TACR3: variants seen among roughly 807,000 people sequenced by gnomAD.
TACR3 encodes neuromedin-K receptor.
Under a neutral mutation model 35.0 loss-of-function variants are expected in TACR3, and 34 were observed. The observed-to-expected ratio is 0.97, with a 90% CI of 0.74 to 1.30. TACR3 has a LOEUF of 1.30. TACR3 is among the 50% of genes most tolerant of loss of function. TACR3 has a pLI of 0.00. For missense variants in TACR3, 558 were observed against 591.7 expected (o/e 0.94, Z 0.59); for synonymous variants, 233 against 221.1 (o/e 1.05, Z -0.48).
intron 3 of TACR3, among the ~76,000 whole-genome samples, chr4:103,596,059 G>T (rs1402066102): frequency 2.0e-5 from 3 of 150,950 alleles, no homozygotes; most frequent in African/African-American, 7.3e-5. Context: ...TTTCATCCAT[G>T]TCCCTACAAA....
intron 3 of TACR3, among the ~76,000 whole-genome samples, chr4:103,613,390 G>A (rs1272042975): frequency 6.6e-6 from 1 of 152,058 alleles, no homozygotes; most frequent in East Asian, 1.9e-4. Context: ...CTGCCATCTT[G>A]CTCACTGCAA....
At position 103,719,968 on chromosome 4, in the gene TACR3, G is replaced by A. The variant is rs181632293; in HGVS notation, c.-293C>T. 1.3e-5 allele frequency among the ~76,000 whole-genome samples: 2 copies of A among 152,268 alleles called. No homozygotes were observed. Among genetic ancestry groups the A allele is most frequent in the South Asian group, 2.1e-4 (1 of 4,820 alleles). ...CACGTAGGGAGGGTGCCAGCTGCCC[G>A]GCACAGGCTGGAGAACTGAGCGTCC... On this transcript the variant is annotated 5_prime_UTR_variant, in exon 1 of 5. Transcript: ENST00000304883.
chr4:103,593,530 G>A (rs1723939604), intron 3 of TACR3: 1 of 152,136 alleles, frequency 6.6e-6, no homozygotes, highest in South Asian at 2.1e-4. Context: ...CCTACTAACT[G>A]TAGGCTCAGA....
intron 3 of TACR3, among the ~76,000 whole-genome samples, chr4:103,634,680 G>T (rs906699423): frequency 6.6e-6 from 1 of 151,898 alleles, no homozygotes; most frequent in African/African-American, 2.4e-5. Context: ...CTGGATTTTC[G>T]CACAGAAATT....
At chr4:103,591,722 T>G in intron 3 of TACR3, 39 bp from the exon 4 acceptor site, 1 of 1,542,880 alleles carries the variant, frequency 6.5e-7, no homozygotes, top group Non-Finnish European at 8.8e-7. Context: ...AATATAATAC[T>G]CATAATAGTT....
At chr4:103,640,185 A>T (rs1470015061) in intron 3 of TACR3, among the ~76,000 whole-genome samples, 1 of 152,084 alleles carries the variant, frequency 6.6e-6, no homozygotes, top group Non-Finnish European at 1.5e-5. Context: ...TGGCAATGCA[A>T]GAATCAAACC....
intron 3 of TACR3, 130 bp downstream of exon 3, chr4:103,656,064 T>G: frequency 8.4e-7 from 1 of 1,190,382 alleles, no homozygotes; most frequent in Non-Finnish European, 1.2e-6. Flanking sequence ...GAAAAAAAAT[T>G]AAAACAAAGA....
intron 3 of TACR3, among the ~76,000 whole-genome samples, chr4:103,617,155 A>G (rs1056896047): frequency 6.6e-6 from 1 of 152,182 alleles, no homozygotes; most frequent in Non-Finnish European, 1.5e-5. Flanking sequence ...TGTAATCCAT[A>G]GTCAAGAAAC....
chr4:103,618,488 T>C (rs1044011959), intron 3 of TACR3, among the ~76,000 whole-genome samples: 1 of 151,860 alleles, frequency 6.6e-6, no homozygotes, highest in African/African-American at 2.4e-5. Context: ...TGTGGCTTTA[T>C]AGCATAGTTT....
At chr4:103,655,530 G>GA (rs1273119106) in intron 3 of TACR3, among the ~76,000 whole-genome samples, 7 of 152,094 alleles carry the variant, frequency 4.6e-5, no homozygotes, top group South Asian at 4.1e-4. Flanking sequence ...AACGATAGTA[G>GA]AAAAAATCTC....
chr4:103,714,026 A>C (rs1342479840), intron 1 of TACR3, among the ~76,000 whole-genome samples: 2 of 152,164 alleles, frequency 1.3e-5, no homozygotes, highest in Non-Finnish European at 2.9e-5. Flanking sequence ...TTTAAGAGCA[A>C]ATAGCACATA....
chr4:103,697,284 A>G (rs1006488512), intron 1 of TACR3, among the ~76,000 whole-genome samples: 21 of 152,188 alleles, frequency 1.4e-4, no homozygotes, highest in African/African-American at 4.8e-4. Context: ...CTGAAAAGCT[A>G]GCAGCTAAGT....
intron 3 of TACR3, among the ~76,000 whole-genome samples, chr4:103,635,862 A>G (rs1725176565): frequency 6.6e-6 from 1 of 151,988 alleles, no homozygotes; most frequent in Admixed American, 6.6e-5. Context: ...CCAGTCTAGC[A>G]ACCAGCAGTC....
At chr4:103,691,008 G>A (rs939004210) in intron 1 of TACR3, among the ~76,000 whole-genome samples, 1 of 152,160 alleles carries the variant, frequency 6.6e-6, no homozygotes, top group South Asian at 2.1e-4. Flanking sequence ...TTTGGAACAA[G>A]CGCAACTCTC....
chr4:103,643,788 G>T (rs2110321396), intron 3 of TACR3, among the ~76,000 whole-genome samples: 1 of 151,820 alleles, frequency 6.6e-6, no homozygotes, highest in Non-Finnish European at 1.5e-5. Context: ...GATGGCAATT[G>T]TTATAGATTT....
chr4:103,658,480 A>G, intron 1 of TACR3, 77 bp from the exon 2 acceptor site: 7 of 1,412,764 alleles, frequency 5.0e-6, no homozygotes, highest in Non-Finnish European at 6.9e-6. Context: ...AAGGTATTTC[A>G]AAGGCGTTTC....
At chr4:103,590,049 T>G in intron 4 of TACR3, 55 bp from the exon 5 acceptor site, 1 of 1,564,292 alleles carries the variant, frequency 6.4e-7, no homozygotes, top group Non-Finnish European at 8.7e-7. Flanking sequence ...CAGATATGTC[T>G]TTCAGCTGCC....
At position 103,689,287 on chromosome 4, in the gene TACR3, T is replaced by C. The variant is rs555248833; in HGVS notation, c.548+29841A>G. On this transcript the variant is annotated intron_variant, in intron 1 of 4. Transcript: ENST00000304883. ...AGGGGGGCGGGATAGCATTGGGAGA[T>C]ATACCTAATGCTAGATGACGAGTTA... is the stretch of plus-strand genomic sequence containing the variant. Among the ~76,000 whole-genome samples the C allele has an allele frequency of 4.3e-3, 644 of 149,640 alleles. 8 individuals are homozygous for C. Among genetic ancestry groups the C allele is most frequent in the African/African-American group, 0.015 (604 of 40,764 alleles).
At chr4:103,647,479 A>T (rs1725487583) in intron 3 of TACR3, among the ~76,000 whole-genome samples, 2 of 151,912 alleles carry the variant, frequency 1.3e-5, no homozygotes. Flanking sequence ...AAGTATCATA[A>T]TTTCAATTTC....
Sources: gnomAD v4.1 joint callset for allele counts (sites outside exome capture counted in the v4.1 genomes callset) on GRCh38, gnomAD v4.1.1 for gene constraint, MANE v1.5 for transcripts, NCBI Gene and HGNC (gene_info 2026-07-23, HGNC 2026-07-21) for gene names.